Variants in DSCAM observed in about 807,000 individuals in gnomAD.
The protein encoded by DSCAM is cell adhesion molecule DSCAM.
Under a neutral mutation model 217.7 loss-of-function variants are expected in DSCAM, and 47 were observed. The observed-to-expected ratio is 0.22, with a 90% confidence interval of 0.17 to 0.28. The LOEUF (loss-of-function observed/expected upper bound fraction) is 0.28, where lower values mean the gene tolerates loss of function less well. Ranked by LOEUF, DSCAM falls within the 10% of genes least tolerant of loss-of-function variation. The probability of loss-of-function intolerance (pLI) is 1.00; values close to 1 mark genes in which losing one functional copy is unlikely to be tolerated. For synonymous variants in DSCAM, 1,056 were observed against 1,015.3 expected (o/e 1.04, Z -0.76); for missense variants, 2,080 against 2,618.3 (o/e 0.79, Z 4.49).
chr21:40,646,832 C>T (rs1371820516), intron 3 of DSCAM, among the ~76,000 whole-genome samples: 1 of 152,228 alleles, frequency 6.6e-6, no homozygotes, highest in East Asian at 1.9e-4. Context: ...TGGGTCCCAT[C>T]ACAGCTGAGA....
chr21:40,028,022 G>A (rs1190056956), intron 32 of DSCAM, among the ~76,000 whole-genome samples: 2 of 18,074 alleles, frequency 1.1e-4, no homozygotes, highest in African/African-American at 3.6e-4. Context: ...TGATGATGGT[G>A]ATGTACAGAT....
chr21:40,670,901 AAACAG>A (rs1311455480), intron 3 of DSCAM, among the ~76,000 whole-genome samples: 9 of 152,378 alleles, frequency 5.9e-5, no homozygotes, highest in South Asian at 2.1e-4. Context: ...CAACTCAAAC[AAACAG>A]AAGACAAGCC....
chr21:40,804,840 ACTGAGCTC>A (rs2091771607), intron 1 of DSCAM, among the ~76,000 whole-genome samples: 1 of 152,060 alleles, frequency 6.6e-6, no homozygotes, highest in Admixed American at 6.5e-5. Flanking sequence ...AGGACTATCT[ACTGAGCTC>A]CAGACTTAAC....
intron 2 of DSCAM, 142 bp downstream of exon 2, chr21:40,708,312 G>A: frequency 1.6e-6 from 1 of 610,696 alleles, no homozygotes. Context: ...AGACCTTAAA[G>A]AAGTCATCAG....
chr21:40,203,056 G>A (rs1407324374), intron 11 of DSCAM, among the ~76,000 whole-genome samples: 2 of 152,178 alleles, frequency 1.3e-5, no homozygotes, highest in Non-Finnish European at 2.9e-5. Flanking sequence ...TTGTAAATAT[G>A]AGTATAAAAA....
chr21:40,831,434 T>A (rs2092011417), intron 1 of DSCAM, among the ~76,000 whole-genome samples: 1 of 152,232 alleles, frequency 6.6e-6, no homozygotes, highest in East Asian at 1.9e-4. Flanking sequence ...ACACTTCCGG[T>A]AAAATGATTC....
chr21:40,661,809 A>G (rs142511714), intron 3 of DSCAM, among the ~76,000 whole-genome samples: 114 of 152,318 alleles, frequency 7.5e-4, no homozygotes, highest in African/African-American at 2.5e-3. Context: ...AAAAAAGGCA[A>G]TATGAGAATA....
intron 26 of DSCAM, among the ~76,000 whole-genome samples, chr21:40,076,883 G>A (rs1357384082): frequency 6.6e-6 from 1 of 152,196 alleles, no homozygotes; most frequent in Non-Finnish European, 1.5e-5. Flanking sequence ...AATGTGTGCT[G>A]GTTAACAGAG....
intron 27 of DSCAM, among the ~76,000 whole-genome samples, chr21:40,072,850 A>G (rs980577504): frequency 2.0e-5 from 3 of 152,158 alleles, no homozygotes; most frequent in Non-Finnish European, 4.4e-5. Flanking sequence ...TCCCCAGAAC[A>G]TAGAAATCAA....
chr21:40,839,896 A>G (rs143584596), intron 1 of DSCAM, among the ~76,000 whole-genome samples: 1 of 152,218 alleles, frequency 6.6e-6, no homozygotes, highest in African/African-American at 2.4e-5. Context: ...TCTGTGTAGT[A>G]GCCTCTTTCC....
At chr21:40,671,310 C>G (rs2090270639) in intron 3 of DSCAM, among the ~76,000 whole-genome samples, 1 of 152,166 alleles carries the variant, frequency 6.6e-6, no homozygotes, top group African/African-American at 2.4e-5. Context: ...ATAAGGAGAA[C>G]AGATAATTTC....
chr21:40,826,969 G>A (rs907928503), intron 1 of DSCAM, among the ~76,000 whole-genome samples: 5 of 151,954 alleles, frequency 3.3e-5, no homozygotes, highest in African/African-American at 1.2e-4. Flanking sequence ...ATTATATAGA[G>A]AGGAATTAGA....
intron 6 of DSCAM, among the ~76,000 whole-genome samples, chr21:40,343,825 T>C (rs1352518073): frequency 5.3e-5 from 8 of 150,576 alleles, no homozygotes; most frequent in African/African-American, 1.9e-4. Context: ...TATTTTATTT[T>C]ACTTTATTTT....
At chr21:40,149,674 C>T (rs933179793) in intron 16 of DSCAM, among the ~76,000 whole-genome samples, 1 of 149,176 alleles carries the variant, frequency 6.7e-6, no homozygotes, top group African/African-American at 2.5e-5. Context: ...CATCACTATC[C>T]CAACACCACC....
chr21:40,099,702 C>A (rs986269909), intron 20 of DSCAM, among the ~76,000 whole-genome samples: 3 of 152,192 alleles, frequency 2.0e-5, no homozygotes, highest in Admixed American at 2.0e-4. Flanking sequence ...GATGCCAGTG[C>A]CTTCTTTCCT....
intron 1 of DSCAM, among the ~76,000 whole-genome samples, chr21:40,766,151 G>C (rs1010056801): frequency 3.9e-5 from 6 of 152,156 alleles, no homozygotes; most frequent in Non-Finnish European, 8.8e-5. Flanking sequence ...GGGGTTGGGG[G>C]TGGGGGAAGA....
In DSCAM at chr21:40,356,667, T is replaced by C. The variant is rs540841983; in HGVS notation, c.656-2924A>G. Among the ~76,000 whole-genome samples the C allele has an allele frequency of 4.6e-5, 7 of 152,266 alleles. No individual in the cohort carries two copies. The East Asian group carries it at 1.4e-3, about 29-fold the overall frequency. Reference sequence around the variant, plus strand: ...AATCACTTTGGACTTTGAAATCATATTGAGAATGGAACTGCACGTGAGGAT... The same window carrying C: ...AATCACTTTGGACTTTGAAATCATACTGAGAATGGAACTGCACGTGAGGAT... On this transcript the variant is annotated intron_variant, in intron 4 of 32. Coordinates refer to ENST00000400454, the MANE Select transcript of DSCAM (RefSeq NM_001389.5).
At chr21:40,768,848 G>T (rs1439962162) in intron 1 of DSCAM, among the ~76,000 whole-genome samples, 3 of 152,164 alleles carry the variant, frequency 2.0e-5, no homozygotes, top group Non-Finnish European at 2.9e-5. Flanking sequence ...ATAGCATAGG[G>T]GTATGGAAGA....
At chr21:40,119,149 A>T (rs1455568588) in intron 20 of DSCAM, among the ~76,000 whole-genome samples, 1 of 152,220 alleles carries the variant, frequency 6.6e-6, no homozygotes. Context: ...GTTGTAAATC[A>T]CTGAGGTTTC....
Sources: gnomAD v4.1 joint callset for allele counts (sites outside exome capture counted in the v4.1 genomes callset) on GRCh38, gnomAD v4.1.1 for gene constraint, MANE v1.5 for transcripts, NCBI Gene and HGNC (gene_info 2026-07-23, HGNC 2026-07-21) for gene names.